Variants in COL22A1 observed in about 807,000 individuals in gnomAD.
COL22A1 encodes the protein collagen type XXII alpha 1 chain.
A neutral mutation model predicts 248.9 loss-of-function variants in COL22A1; 221 were observed. That is an observed-to-expected ratio of 0.89 (90% confidence interval 0.80 to 0.99). The LOEUF is 0.99. COL22A1 is among the 50% of genes least tolerant of loss of function. The pLI is 0.00. For synonymous variants in COL22A1, 891 were observed against 793.4 expected (o/e 1.12, Z -2.07); for missense variants, 2,240 against 2,179.0 (o/e 1.03, Z -0.56).
chr8:138,691,094 G>A (rs1826812510), intron 35 of COL22A1, among the ~76,000 whole-genome samples: 1 of 152,196 alleles, frequency 6.6e-6, no homozygotes, highest in Non-Finnish European at 1.5e-5. Context: ...GTGAAAGGCA[G>A]GAGGGCAGGA....
At chr8:138,781,839 C>T (rs1815041328) in intron 12 of COL22A1, among the ~76,000 whole-genome samples, 1 of 152,184 alleles carries the variant, frequency 6.6e-6, no homozygotes, top group Admixed American at 6.5e-5. Flanking sequence ...CAAGGCTGCG[C>T]CTCTCTCTGG....
intron 62 of COL22A1, among the ~76,000 whole-genome samples, chr8:138,594,524 G>C (rs1817363996): frequency 6.6e-6 from 1 of 152,196 alleles, no homozygotes. Flanking sequence ...GACAGCCACG[G>C]ACAGCCAGGT....
intron 22 of COL22A1, 24 bp downstream of exon 22, chr8:138,751,434 A>G: frequency 6.3e-7 from 1 of 1,588,760 alleles, no homozygotes; most frequent in Non-Finnish European, 8.6e-7. Flanking sequence ...CTGAGGAATC[A>G]CAAAGAAAAG....
At chr8:138,788,581 A>G (rs1292050972) in intron 12 of COL22A1, among the ~76,000 whole-genome samples, 2 of 152,164 alleles carry the variant, frequency 1.3e-5, no homozygotes, top group Non-Finnish European at 2.9e-5. Flanking sequence ...GGCCTCCTGG[A>G]ACATGCTTTC....
chr8:138,822,608 G>A (rs2131762274), intron 6 of COL22A1, among the ~76,000 whole-genome samples: 1 of 152,250 alleles, frequency 6.6e-6, no homozygotes, highest in South Asian at 2.1e-4. Context: ...TTCACGTGTT[G>A]CCCTTCCCTG....
chr8:138,668,081 C>T (rs548962804), intron 41 of COL22A1, among the ~76,000 whole-genome samples: 3 of 152,058 alleles, frequency 2.0e-5, no homozygotes, highest in South Asian at 2.1e-4. Flanking sequence ...AACACAGAAG[C>T]GTGACATGTA....
In COL22A1 at chr8:138,833,050, C is replaced by A; in HGVS notation, c.834G>T (p.Val278=). The A allele has an allele frequency of 1.9e-6, 3 of 1,610,090 alleles. No homozygotes were observed. Among genetic ancestry groups the A allele is most frequent in the Admixed American group, 1.7e-5 (1 of 60,016 alleles). ...AAGTGGCCACTCACTCAGTACTTTG[C>A]ACCACAGGGAAGGATCCCATCCGTA... ...SYVRMGSFPV[V]QSTEDVFPQG... is the part of the protein sequence containing the mutation. Residue 278 remains valine (V), a synonymous_variant, in exon 5 of 65, where the codon GTG becomes GTT. Coordinates refer to ENST00000303045, the MANE Select transcript of COL22A1 (RefSeq NM_152888.3).
rs775826867 is a variant in COL22A1, at chr8:138,660,485, G to A, written c.3241-5C>T. The A allele has an allele frequency of 1.2e-5, 19 of 1,613,250 alleles. No individual in the cohort carries two copies. The highest frequency in any genetic ancestry group is 1.6e-5 in the Non-Finnish European group (19 of 1,179,380). On this transcript the variant is annotated splice_polypyrimidine_tract_variant and splice_region_variant and intron_variant, in intron 43 of 64. Coordinates refer to ENST00000303045, the MANE Select transcript of COL22A1 (RefSeq NM_152888.3). ...TCCTGGATTTCCTGGTGCACCCTAA[G>A]AGAAGAAGGAAATAAAACATTAACT...
intron 41 of COL22A1, among the ~76,000 whole-genome samples, chr8:138,667,064 TA>T (rs1362148063): frequency 1.3e-5 from 2 of 152,212 alleles, no homozygotes; most frequent in Admixed American, 6.5e-5. Flanking sequence ...TTCCCATGTC[TA>T]TTCTGTCAGT....
rs146145377 is a variant in COL22A1, at chr8:138,625,836, G to C, written c.3717+354C>G. On this transcript the variant is annotated intron_variant, in intron 51 of 64. Coordinates refer to ENST00000303045, the MANE Select transcript of COL22A1 (RefSeq NM_152888.3). ...GAAAATGTTTACATTATCACAAATAGTTAATTAACACAGTTATATATATAT... is the reference window on the plus strand; with the variant it reads ...GAAAATGTTTACATTATCACAAATACTTAATTAACACAGTTATATATATAT... Among the ~76,000 whole-genome samples the C allele has an allele frequency of 2.5e-3, 387 of 152,180 alleles. 1 individual carries two copies. Among genetic ancestry groups the C allele is most frequent in the Non-Finnish European group, 4.0e-3 (273 of 68,008 alleles).
chr8:138,806,190 TG>T (rs1329010940), intron 10 of COL22A1, among the ~76,000 whole-genome samples: 1 of 69,324 alleles, frequency 1.4e-5, no homozygotes, highest in Non-Finnish European at 2.7e-5. Context: ...TGGTGTGTGA[TG>T]GTGTGTGTGT....
In COL22A1 at chr8:138,604,841, A is replaced by T. The variant is rs535442790; in HGVS notation, c.4105-72T>A. The stretch of plus-strand genomic sequence containing the variant: ...TGTCAGTACTAAGACTGTCTTTAAA[A>T]CTGACATTTCCACTCAAGTCATGTT... On this transcript the variant is annotated intron_variant, in intron 58 of 64. Coordinates refer to ENST00000303045, the MANE Select transcript of COL22A1 (RefSeq NM_152888.3). 11 of 1,260,244 alleles carry T rather than the reference A, an allele frequency of 8.7e-6. 1 individual carries two copies. The highest frequency in any genetic ancestry group is 1.9e-5 in the Admixed American group (1 of 53,332). The allele number at this position is 1,260,244 out of a possible 1,614,324, so 78.1% of individuals were successfully genotyped here. A position where few individuals can be genotyped will look rare whatever the true frequency, so the allele number is the denominator to read the frequency against.
intron 16 of COL22A1, among the ~76,000 whole-genome samples, 171 bp downstream of exon 16, chr8:138,775,795 G>T (rs987577307): frequency 6.6e-6 from 1 of 152,064 alleles, no homozygotes; most frequent in Admixed American, 6.6e-5. Flanking sequence ...ATCAGCCCTC[G>T]CCTGCCACAT....
At chr8:138,694,450 G>C in intron 34 of COL22A1, 58 bp downstream of exon 34, 1 of 1,535,194 alleles carries the variant, frequency 6.5e-7, no homozygotes, top group Non-Finnish European at 9.0e-7. Context: ...TGGAGCGAGA[G>C]AGTGTGGCTG....
In COL22A1 at chr8:138,727,079, C is replaced by T. The variant is rs188768476; in HGVS notation, c.2140-1639G>A. Among the ~76,000 whole-genome samples, 877 of 152,240 alleles carry T rather than the reference C, an allele frequency of 5.8e-3. 6 individuals are homozygous for T. The highest frequency in any genetic ancestry group is 0.019 in the African/African-American group (792 of 41,536). ...TCCTGATAGTCCTCACGCAGGGACC[C>T]GCTCATTTTAGAACAGCCAGTGATC... On this transcript the variant is annotated intron_variant, in intron 23 of 64. Coordinates refer to ENST00000303045, the MANE Select transcript of COL22A1 (RefSeq NM_152888.3).
chr8:138,809,125 G>T (rs1462922991), intron 9 of COL22A1, among the ~76,000 whole-genome samples: 1 of 151,980 alleles, frequency 6.6e-6, no homozygotes, highest in Non-Finnish European at 1.5e-5. Flanking sequence ...TGCTTAATGA[G>T]GTCATTGTGA....
chr8:138,788,860 G>A (rs771982223), intron 12 of COL22A1, among the ~76,000 whole-genome samples: 9 of 152,226 alleles, frequency 5.9e-5, no homozygotes, highest in East Asian at 3.9e-4. Context: ...GAAACCCTCC[G>A]AGGCAAGTAT....
chr8:138,636,754 C>G lies in COL22A1; in HGVS notation c.3543G>C (p.Gln1181His), dbSNP rs1014621067. The G allele has an allele frequency of 2.5e-6, 4 of 1,613,330 alleles. No homozygotes were observed. The highest frequency in any genetic ancestry group is 3.4e-6 in the Non-Finnish European group (4 of 1,179,360). The part of the protein sequence containing the change: ...GERGADGEVG[Q>H]KGDQGHPGVP... ...AGTAAATTTTTACCTGATCACCTTT[C>G]TGCCCAACCTCACCATCTGCACCAC... Residue 1181 changes from glutamine to histidine, a missense_variant, in exon 48 of 65, where the codon CAG (glutamine) becomes CAC (histidine). Physicochemically the swap from Gln to His is conservative, Grantham distance 24. Coordinates refer to ENST00000303045, the MANE Select transcript of COL22A1 (RefSeq NM_152888.3).
At chr8:138,790,497 A>G (rs1450855527) in intron 12 of COL22A1, among the ~76,000 whole-genome samples, 1 of 152,250 alleles carries the variant, frequency 6.6e-6, no homozygotes, top group Non-Finnish European at 1.5e-5. Flanking sequence ...GAGAGGCTCC[A>G]GGAAGAAAAT....
Sources: gnomAD v4.1 joint callset for allele counts (sites outside exome capture counted in the v4.1 genomes callset) on GRCh38, gnomAD v4.1.1 for gene constraint, MANE v1.5 for transcripts, NCBI Gene and HGNC (gene_info 2026-07-23, HGNC 2026-07-21) for gene names.